TANC1: variants seen among roughly 807,000 people sequenced by gnomAD.
The protein encoded by TANC1 is tetratricopeptide repeat, ankyrin repeat and coiled-coil containing 1, also known as protein TANC1.
A neutral mutation model predicts 149.7 loss-of-function variants in TANC1; 77 were observed. The ratio of observed to expected loss-of-function variants is 0.51; its 90% CI spans 0.43 to 0.62. The LOEUF (loss-of-function observed/expected upper bound fraction) is 0.62. Among genes scored for constraint, TANC1 ranks in the 20% least tolerant of loss-of-function variants. TANC1 has a pLI of 0.00. For missense variants in TANC1, 1,985 were observed against 2,321.8 expected (o/e 0.85, Z 2.98); for synonymous variants, 854 against 925.0 (o/e 0.92, Z 1.39).
At chr2:159,030,324 C>T (rs264604) in intron 2 of TANC1, among the ~76,000 whole-genome samples, 23,103 of 152,108 alleles carry the variant, frequency 0.15, 2,106 homozygotes, top group South Asian at 0.4. Flanking sequence ...AATCTTTGAC[C>T]AGAAAATGAA....
Position 159,165,102 on chromosome 2 carries a change from T to C in TANC1, c.946+1556T>C, listed in dbSNP as rs553099792. 7.2e-5 allele frequency among the ~76,000 whole-genome samples: 11 copies of C among 152,372 alleles called. No homozygotes were observed. The South Asian group carries it at 2.3e-3, about 32-fold the overall frequency. Reference sequence around the variant, plus strand: ...ACAAAAATAGTGAACTTGTGCTCAATTTAGTCAAGCTGTTTTAAAATTAGG... The same window carrying C: ...ACAAAAATAGTGAACTTGTGCTCAACTTAGTCAAGCTGTTTTAAAATTAGG... On this transcript the variant is annotated intron_variant, in intron 8 of 26. Transcript: ENST00000263635.
intron 19 of TANC1, among the ~76,000 whole-genome samples, chr2:159,204,529 C>T (rs565804475): frequency 6.6e-6 from 1 of 152,294 alleles, no homozygotes; most frequent in African/African-American, 2.4e-5. Context: ...TGTGCTGTGT[C>T]CTCATGCTGG....
At chr2:159,018,964 A>T (rs1301585031) in intron 2 of TANC1, among the ~76,000 whole-genome samples, 3 of 152,246 alleles carry the variant, frequency 2.0e-5, no homozygotes, top group Non-Finnish European at 4.4e-5. Context: ...ATATTTATAG[A>T]GCATTTATTT....
intron 2 of TANC1, among the ~76,000 whole-genome samples, chr2:159,065,645 T>TTG (rs1192166699): frequency 6.6e-6 from 1 of 152,016 alleles, no homozygotes; most frequent in African/African-American, 2.4e-5. Context: ...CTATTGTTTT[T>TTG]TTTTTTTTTT....
chr2:159,010,355 A>C (rs2037628427), intron 2 of TANC1, among the ~76,000 whole-genome samples: 1 of 152,234 alleles, frequency 6.6e-6, no homozygotes, highest in African/African-American at 2.4e-5. Context: ...AGTGACAGGA[A>C]TAAAATAAGA....
At chr2:159,186,528 A>T (rs994584214) in intron 15 of TANC1, among the ~76,000 whole-genome samples, 1 of 152,054 alleles carries the variant, frequency 6.6e-6, no homozygotes. Context: ...CTGTAATCCC[A>T]GGTACTTGAG....
chr2:159,040,871 G>C (rs750265799), intron 2 of TANC1, among the ~76,000 whole-genome samples: 2 of 152,318 alleles, frequency 1.3e-5, no homozygotes, highest in Middle Eastern at 6.8e-3. Flanking sequence ...CAGCTTTTCT[G>C]CTCTGGTTTC....
chr2:159,149,428 G>A (rs2052528913), intron 6 of TANC1, 156 bp downstream of exon 6: 1 of 1,095,326 alleles, frequency 9.1e-7, no homozygotes, highest in Non-Finnish European at 1.3e-6. Flanking sequence ...TTTGGTTCTG[G>A]GTTTTTGCAG....
At chr2:159,205,657 T>C (rs188638383) in intron 19 of TANC1, among the ~76,000 whole-genome samples, 314 of 152,346 alleles carry the variant, frequency 2.1e-3, no homozygotes, top group African/African-American at 6.8e-3. Context: ...GGCTACACCA[T>C]CGAAGTTTGT....
At chr2:159,173,536 C>T (rs180797028) in intron 11 of TANC1, among the ~76,000 whole-genome samples, 44 of 152,248 alleles carry the variant, frequency 2.9e-4, no homozygotes, top group African/African-American at 9.4e-4. Context: ...ACTCAGGAGG[C>T]GGAGGCTGCA....
chr2:159,142,371 C>A (rs1376324700), intron 5 of TANC1, among the ~76,000 whole-genome samples: 1 of 152,236 alleles, frequency 6.6e-6, no homozygotes, highest in African/African-American at 2.4e-5. Context: ...GTTGGTAAAA[C>A]TTCTGATACC....
intron 14 of TANC1, among the ~76,000 whole-genome samples, chr2:159,180,445 G>A (rs2056358893): frequency 1.3e-5 from 2 of 152,238 alleles, no homozygotes; most frequent in African/African-American, 4.8e-5. Context: ...CTGGACTGTA[G>A]TCTTCATTAA....
rs143879087 is a variant in TANC1, at chr2:159,111,620, C to T, written c.259+13786C>T. 3.0e-3 allele frequency among the ~76,000 whole-genome samples: 459 copies of T among 152,248 alleles called. 3 individuals carry two copies. Among genetic ancestry groups the T allele is most frequent in the African/African-American group, 0.011 (445 of 41,528 alleles). On this transcript the variant is annotated intron_variant, in intron 4 of 26. Coordinates refer to ENST00000263635, the MANE Select transcript of TANC1 (RefSeq NM_033394.3). ...ACACATACCTGGTACACCAGAATCC[C>T]GTATAGGAGGGGCACGTGGGGCTGA...
chr2:159,207,831 G>T (rs917880313), intron 19 of TANC1, among the ~76,000 whole-genome samples: 4 of 151,324 alleles, frequency 2.6e-5, no homozygotes, highest in Admixed American at 6.6e-5. Flanking sequence ...TAAGAGTAGT[G>T]CTTGCCTCAT....
chr2:159,189,145 A>G (rs764631789), intron 16 of TANC1, among the ~76,000 whole-genome samples: 2 of 152,256 alleles, frequency 1.3e-5, no homozygotes, highest in African/African-American at 2.4e-5. Flanking sequence ...TACTGGGAAC[A>G]TACTTGGCAT....
intron 2 of TANC1, among the ~76,000 whole-genome samples, chr2:159,048,297 A>G (rs1405894790): frequency 2.0e-5 from 3 of 152,144 alleles, no homozygotes; most frequent in Admixed American, 6.5e-5. Flanking sequence ...CTGTTAACGT[A>G]TATTTTTTCT....
chr2:159,086,050 C>T (rs1477106219), intron 3 of TANC1, among the ~76,000 whole-genome samples: 4 of 152,038 alleles, frequency 2.6e-5, no homozygotes. Flanking sequence ...TAGTTGTTGT[C>T]CCTGGGTTGG....
chr2:159,072,434 T>A (rs146867021), intron 3 of TANC1, among the ~76,000 whole-genome samples: 9 of 152,228 alleles, frequency 5.9e-5, no homozygotes, highest in African/African-American at 2.2e-4. Context: ...CCCTGCTCGA[T>A]CACCTCCTAT....
At chr2:158,970,315 G>GC (rs1489172944) in intron 1 of TANC1, among the ~76,000 whole-genome samples, 4 of 152,280 alleles carry the variant, frequency 2.6e-5, no homozygotes, top group African/African-American at 9.6e-5. Context: ...CACTCCTGAG[G>GC]CAGGGGAGGG....
Sources: gnomAD v4.1 joint callset for allele counts (sites outside exome capture counted in the v4.1 genomes callset) on GRCh38, gnomAD v4.1.1 for gene constraint, MANE v1.5 for transcripts, NCBI Gene and HGNC (gene_info 2026-07-23, HGNC 2026-07-21) for gene names.